CLSTN2: variants seen among roughly 807,000 people sequenced by gnomAD.
The protein encoded by CLSTN2 is calsyntenin-2.
Under a neutral mutation model 101.2 loss-of-function variants are expected in CLSTN2, and 48 were observed. The observed-to-expected ratio is 0.47, with a 90% CI of 0.38 to 0.60. The LOEUF is 0.60. Ranked by LOEUF, CLSTN2 falls within the 20% of genes least tolerant of loss-of-function variation. The pLI is 0.00. For missense variants in CLSTN2, 1,160 were observed against 1,238.2 expected (o/e 0.94, Z 0.95); for synonymous variants, 481 against 463.6 (o/e 1.04, Z -0.48).
intron 1 of CLSTN2, among the ~76,000 whole-genome samples, chr3:139,946,284 C>A (rs1161632422): frequency 2.6e-5 from 4 of 152,178 alleles, no homozygotes; most frequent in African/African-American, 9.7e-5. Flanking sequence ...ATGCCTGAAG[C>A]TGGAGATGCT....
intron 1 of CLSTN2, among the ~76,000 whole-genome samples, chr3:139,977,288 AAAGG>A (rs2107821767): frequency 6.6e-6 from 1 of 152,234 alleles, no homozygotes; most frequent in East Asian, 1.9e-4. Context: ...AACAAGGGAT[AAAGG>A]AAGAATGGAC....
chr3:140,105,855 C>T (rs1183597045), intron 1 of CLSTN2, among the ~76,000 whole-genome samples: 1 of 152,184 alleles, frequency 6.6e-6, no homozygotes, highest in Non-Finnish European at 1.5e-5. Flanking sequence ...TGATGCTGTG[C>T]AGCACATGGG....
intron 6 of CLSTN2, chr3:140,454,571 C>T (rs953876550): frequency 6.6e-6 from 1 of 152,156 alleles, no homozygotes; most frequent in Non-Finnish European, 1.5e-5. Context: ...GATTATCAGT[C>T]GGGGTAAGAC....
intron 2 of CLSTN2, among the ~76,000 whole-genome samples, chr3:140,296,227 A>G (rs1021020002): frequency 2.6e-5 from 4 of 152,162 alleles, no homozygotes; most frequent in African/African-American, 9.7e-5. Flanking sequence ...TCACATATTT[A>G]TTCTTGAAGA....
intron 2 of CLSTN2, among the ~76,000 whole-genome samples, chr3:140,319,086 C>G (rs1455773744): frequency 6.6e-6 from 1 of 152,190 alleles, no homozygotes; most frequent in Admixed American, 6.5e-5. Context: ...TAACTACTCT[C>G]TTAATCCTCA....
intron 8 of CLSTN2, among the ~76,000 whole-genome samples, chr3:140,486,044 G>A (rs576564081): frequency 7.9e-5 from 12 of 152,132 alleles, no homozygotes; most frequent in East Asian, 7.8e-4. Context: ...TGCTCACACC[G>A]AGAGCTGTAG....
At chr3:140,245,260 T>C (rs1238222780) in intron 2 of CLSTN2, among the ~76,000 whole-genome samples, 1 of 152,090 alleles carries the variant, frequency 6.6e-6, no homozygotes, top group Non-Finnish European at 1.5e-5. Flanking sequence ...AAAAGACAAA[T>C]AGATATAAGT....
intron 2 of CLSTN2, among the ~76,000 whole-genome samples, chr3:140,245,758 T>A (rs1559817930): frequency 6.6e-6 from 1 of 152,204 alleles, no homozygotes; most frequent in South Asian, 2.1e-4. Context: ...TATATTTCTG[T>A]TGGGACAGTG....
intron 2 of CLSTN2, among the ~76,000 whole-genome samples, chr3:140,198,061 A>G (rs962520062): frequency 3.3e-5 from 5 of 152,226 alleles, no homozygotes; most frequent in Non-Finnish European, 5.9e-5. Flanking sequence ...AGCAAAAGCA[A>G]TGGAAAGGTT....
Position 140,573,457 on chromosome 3 carries a change from T to A in CLSTN2, c.*7204T>A, listed in dbSNP as rs190429591. On this transcript the variant is annotated 3_prime_UTR_variant, in exon 17 of 17. Transcript: ENST00000458420. ...TCTGGGCCTTCTGATTTCTAAAGTC[T>A]GTGAGGCTGCCAGGATTCACCAATT... 6.6e-6 allele frequency: 1 copy of A among 152,326 alleles called. No homozygotes were observed. Among genetic ancestry groups the A allele is most frequent in the African/African-American group, 2.4e-5 (1 of 41,566 alleles). The allele number at this position is 152,326 out of a possible 1,614,324, so 9.4% of individuals were successfully genotyped here.
chr3:140,460,560 T>C (rs887247890), intron 7 of CLSTN2, among the ~76,000 whole-genome samples: 4 of 152,194 alleles, frequency 2.6e-5, no homozygotes, highest in African/African-American at 9.7e-5. Context: ...AGCCTTATTG[T>C]TTTTGCCATT....
At chr3:140,167,244 C>G (rs912882386) in intron 1 of CLSTN2, among the ~76,000 whole-genome samples, 5 of 152,200 alleles carry the variant, frequency 3.3e-5, no homozygotes, top group Non-Finnish European at 5.9e-5. Flanking sequence ...TACAGATAAA[C>G]CAAACTATTT....
At chr3:140,217,656 G>T (rs190642226) in intron 2 of CLSTN2, among the ~76,000 whole-genome samples, 1 of 152,302 alleles carries the variant, frequency 6.6e-6, no homozygotes, top group African/African-American at 2.4e-5. Flanking sequence ...AAGGGTTGAC[G>T]TCCTAGGATT....
chr3:140,005,677 G>A (rs968934964), intron 1 of CLSTN2, among the ~76,000 whole-genome samples: 1 of 152,170 alleles, frequency 6.6e-6, no homozygotes, highest in Non-Finnish European at 1.5e-5. Flanking sequence ...TAACAAGATA[G>A]GACTGTATTT....
At chr3:140,425,210 A>T (rs759712189) in intron 5 of CLSTN2, among the ~76,000 whole-genome samples, 3 of 152,138 alleles carry the variant, frequency 2.0e-5, no homozygotes, top group Non-Finnish European at 4.4e-5. Flanking sequence ...CCCAGTCCTT[A>T]CTGTGGCCAG....
chr3:140,166,681 G>C (rs1271058790), intron 1 of CLSTN2, among the ~76,000 whole-genome samples: 10 of 152,186 alleles, frequency 6.6e-5, no homozygotes, highest in Non-Finnish European at 1.5e-4. Flanking sequence ...CTAGTTAAAG[G>C]CACATTGGGT....
intron 1 of CLSTN2, among the ~76,000 whole-genome samples, chr3:140,131,127 C>T (rs146540515): frequency 1.1e-3 from 169 of 151,972 alleles, no homozygotes; most frequent in African/African-American, 3.9e-3. Flanking sequence ...CCCTCAAAAC[C>T]TGATATATCT....
chr3:140,171,293 C>T (rs1447350403), intron 1 of CLSTN2, among the ~76,000 whole-genome samples: 1 of 152,094 alleles, frequency 6.6e-6, no homozygotes, highest in Admixed American at 6.6e-5. Context: ...TCTCTCTGCC[C>T]TGGGCATGGT....
intron 2 of CLSTN2, among the ~76,000 whole-genome samples, chr3:140,190,399 C>T (rs2010542655): frequency 7.0e-6 from 1 of 143,168 alleles, no homozygotes; most frequent in Non-Finnish European, 1.5e-5. Flanking sequence ...ATTTCCTTTA[C>T]CTTACCAAAA....
Sources: allele counts gnomAD v4.1 joint callset (sites outside exome capture counted in the v4.1 genomes callset), GRCh38; gene constraint gnomAD v4.1.1; transcripts MANE v1.5; gene names NCBI Gene and HGNC (gene_info 2026-07-23, HGNC 2026-07-21).